Variants in SLIT3 observed in about 807,000 individuals in gnomAD.
SLIT3 encodes the protein slit guidance ligand 3, also known as slit homolog 3 protein.
A neutral mutation model predicts 184.0 loss-of-function variants in SLIT3; 68 were observed. The observed-to-expected ratio is 0.37, with a 90% CI of 0.30 to 0.45. The LOEUF is 0.45. Ranked by LOEUF, SLIT3 falls within the 20% of genes least tolerant of loss-of-function variation. SLIT3 has a pLI of 1.00. For missense variants in SLIT3, 1,707 were observed against 2,026.0 expected, an observed-to-expected ratio of 0.84 and a Z score of 3.02; for synonymous variants, 831 against 828.6, an observed-to-expected ratio of 1.00 and a Z score of -0.05.
intron 4 of SLIT3, among the ~76,000 whole-genome samples, chr5:168,991,954 G>C (rs1261508937): frequency 6.6e-6 from 1 of 152,230 alleles, no homozygotes; most frequent in Non-Finnish European, 1.5e-5. Context: ...TGACTGGCAG[G>C]CACTGATTTT....
intron 4 of SLIT3, among the ~76,000 whole-genome samples, chr5:169,052,350 C>T (rs1255056898): frequency 2.0e-5 from 3 of 152,112 alleles, no homozygotes; most frequent in African/African-American, 2.4e-5. Context: ...GGTCATGAGG[C>T]CACAACAGAT....
At chr5:168,666,826 C>G (rs1761069089) in intron 35 of SLIT3, 137 bp from the exon 36 acceptor site, 1 of 1,387,562 alleles carries the variant, frequency 7.2e-7, no homozygotes, top group Non-Finnish European at 9.9e-7. Context: ...TCTGCCTACC[C>G]TCCCCTCCAT....
At position 168,678,488 on chromosome 5, in the gene SLIT3, C is replaced by G. The variant is rs1458851629; in HGVS notation, c.3687-5157G>C. On this transcript the variant is annotated intron_variant, in intron 32 of 35. Transcript: ENST00000519560. ...CACAAGGTCAGGAGTTCGAGACCAG[C>G]CTGGCCAACATAGTGAAACCCCATC... is the stretch of plus-strand genomic sequence containing the variant. Among the ~76,000 whole-genome samples, 3 of 152,206 alleles carry G rather than the reference C, an allele frequency of 2.0e-5. No homozygotes were observed. The East Asian group carries it at 5.8e-4, about 29-fold the overall frequency.
In SLIT3 at chr5:168,830,228, G is replaced by A. The variant is rs552774665; in HGVS notation, c.558-6897C>T. ...CTCTCTCAACCTCAGGTTGAGAGGG[G>A]CATCCCCAAGCCTCCCGCTCAGCCC... On this transcript the variant is annotated intron_variant, in intron 6 of 35. Coordinates refer to ENST00000519560, the MANE Select transcript of SLIT3 (RefSeq NM_003062.4). 2.0e-5 allele frequency among the ~76,000 whole-genome samples: 3 copies of A among 152,260 alleles called. No homozygotes were observed. The South Asian group carries it at 6.2e-4, about 32-fold the overall frequency.
intron 1 of SLIT3, among the ~76,000 whole-genome samples, chr5:169,289,481 C>A (rs1459219761): frequency 1.3e-5 from 2 of 152,210 alleles, no homozygotes; most frequent in Non-Finnish European, 2.9e-5. Flanking sequence ...AGTAATTCAT[C>A]ATTTATAGAG....
At chr5:169,142,072 TAAAA>T (rs1170113660) in intron 4 of SLIT3, among the ~76,000 whole-genome samples, 5 of 89,056 alleles carry the variant, frequency 5.6e-5, no homozygotes, top group East Asian at 3.0e-4. Context: ...AAAATAAAAA[TAAAA>T]ATAAAAATAA....
intron 6 of SLIT3, among the ~76,000 whole-genome samples, chr5:168,843,262 G>A (rs1404906889): frequency 1.3e-5 from 2 of 152,188 alleles, no homozygotes; most frequent in Non-Finnish European, 1.5e-5. Context: ...TCTCCAACCC[G>A]TTGCTAGTAT....
chr5:169,211,096 G>A (rs1026850414), intron 3 of SLIT3, among the ~76,000 whole-genome samples: 1 of 152,118 alleles, frequency 6.6e-6, no homozygotes, highest in Non-Finnish European at 1.5e-5. Flanking sequence ...GGATATTCCT[G>A]AACCCAAATC....
At chr5:168,969,999 G>A (rs998950820) in intron 4 of SLIT3, among the ~76,000 whole-genome samples, 2 of 152,168 alleles carry the variant, frequency 1.3e-5, no homozygotes, top group African/African-American at 4.8e-5. Context: ...GGCTAACACG[G>A]TGAAACCCCT....
chr5:168,802,276 ACCTCTCACATGG>A (rs1756793943), intron 9 of SLIT3, among the ~76,000 whole-genome samples: 1 of 115,792 alleles, frequency 8.6e-6, no homozygotes, highest in Non-Finnish European at 2.0e-5. Context: ...CCATCTGCTG[ACCTCTCACATGG>A]TAGAAGACTT....
chr5:169,106,885 A>G (rs1343394771), intron 4 of SLIT3, among the ~76,000 whole-genome samples: 2 of 152,248 alleles, frequency 1.3e-5, no homozygotes, highest in African/African-American at 4.8e-5. Flanking sequence ...CTGGGGAGAC[A>G]GTAGTACCCT....
At chr5:168,892,511 A>G (rs927796518) in intron 4 of SLIT3, among the ~76,000 whole-genome samples, 3 of 152,246 alleles carry the variant, frequency 2.0e-5, no homozygotes, top group African/African-American at 7.2e-5. Context: ...GGTTCTGAGT[A>G]TACAGATAGG....
chr5:168,924,947 C>T (rs530011548), intron 4 of SLIT3, among the ~76,000 whole-genome samples: 2 of 152,178 alleles, frequency 1.3e-5, no homozygotes, highest in Non-Finnish European at 2.9e-5. Flanking sequence ...ATAAGGTAAG[C>T]AGTTGCCTCC....
intron 1 of SLIT3, among the ~76,000 whole-genome samples, chr5:169,252,191 C>T (rs890136763): frequency 1.3e-5 from 2 of 152,206 alleles, no homozygotes; most frequent in African/African-American, 4.8e-5. Context: ...TTTGCAAACT[C>T]CCTGAGGGCA....
chr5:168,963,545 G>T (rs1763084289), intron 4 of SLIT3, among the ~76,000 whole-genome samples: 2 of 152,192 alleles, frequency 1.3e-5, no homozygotes, highest in South Asian at 4.1e-4. Context: ...TTGTGACAGG[G>T]ACTATTCTAA....
At chr5:168,686,670 C>A (rs2113230210) in intron 30 of SLIT3, among the ~76,000 whole-genome samples, 1 of 152,346 alleles carries the variant, frequency 6.6e-6, no homozygotes, top group Non-Finnish European at 1.5e-5. Context: ...AAGATGGTGG[C>A]ATCTTCCATT....
At chr5:168,786,484 G>A (rs148539956) in intron 11 of SLIT3, among the ~76,000 whole-genome samples, 56 of 152,318 alleles carry the variant, frequency 3.7e-4, no homozygotes, top group African/African-American at 1.3e-3. Context: ...TCCAGATGGT[G>A]CAGGGACTGC....
At chr5:169,026,432 G>T (rs1240748893) in intron 4 of SLIT3, 2 of 152,162 alleles carry the variant, frequency 1.3e-5, no homozygotes, top group African/African-American at 4.8e-5. Flanking sequence ...TCTTTGCAGA[G>T]ACAAGCAAAT....
intron 4 of SLIT3, among the ~76,000 whole-genome samples, chr5:168,966,584 G>T (rs1305462412): frequency 1.3e-5 from 2 of 152,148 alleles, no homozygotes; most frequent in Non-Finnish European, 2.9e-5. Flanking sequence ...TACACCTGGT[G>T]GTGAGAGAAT....
Sources: gnomAD v4.1 joint callset for allele counts (sites outside exome capture counted in the v4.1 genomes callset) on GRCh38, gnomAD v4.1.1 for gene constraint, MANE v1.5 for transcripts, NCBI Gene and HGNC (gene_info 2026-07-23, HGNC 2026-07-21) for gene names.